Variants in CHID1 observed in about 807,000 individuals in gnomAD.
The protein encoded by CHID1 is chitinase domain-containing protein 1.
A neutral mutation model predicts 55.4 loss-of-function variants in CHID1; 44 were observed. The ratio of observed to expected loss-of-function variants is 0.79; its 90% CI spans 0.62 to 1.02. The LOEUF (loss-of-function observed/expected upper bound fraction) is 1.02, where lower values mean the gene tolerates loss of function less well. Among genes scored for constraint, CHID1 ranks in the 50% least tolerant of loss-of-function variants. The pLI is 0.00. For missense variants in CHID1, 491 were observed against 515.3 expected, an observed-to-expected ratio of 0.95 and a Z score of 0.46; for synonymous variants, 216 against 212.9, an observed-to-expected ratio of 1.01 and a Z score of -0.13.
Position 904,773 on chromosome 11 carries a change from C to A in CHID1, c.44G>T (p.Ser15Ile), listed in dbSNP as rs765584828. 2 of 1,614,094 alleles carry A rather than the reference C, an allele frequency of 1.2e-6. No homozygotes were observed. Among genetic ancestry groups the A allele is most frequent in the Non-Finnish European group, 1.7e-6 (2 of 1,180,032 alleles). ...FNLLWLALACSPVHTTLSKSD... is the reference protein window; with the variant it reads ...FNLLWLALACIPVHTTLSKSD... Reference sequence around the variant, plus strand: ...CTTTGACAGGGTAGTGTGAACAGGGCTGCAGGCCAGGGCAAGCCAGAGGAG... The same window carrying A: ...CTTTGACAGGGTAGTGTGAACAGGGATGCAGGCCAGGGCAAGCCAGAGGAG... Residue 15 changes from serine to isoleucine, a missense_variant, in exon 2 of 13, where the codon AGC (serine) becomes ATC (isoleucine). Physicochemically the swap from Ser to Ile is moderately radical, Grantham distance 142. Coordinates refer to ENST00000323578, the MANE Select transcript of CHID1 (RefSeq NM_023947.4).
intron 10 of CHID1, among the ~76,000 whole-genome samples, chr11:877,055 C>T (rs1262341972): frequency 6.6e-6 from 1 of 152,188 alleles, no homozygotes; most frequent in Non-Finnish European, 1.5e-5. Context: ...GATGAGGGGA[C>T]TTCTCAGCTG....
chr11:888,852 G>A (rs1358277194), intron 8 of CHID1, among the ~76,000 whole-genome samples: 1 of 151,692 alleles, frequency 6.6e-6, no homozygotes, highest in East Asian at 1.9e-4. Flanking sequence ...CTGCCCACTC[G>A]GCCTCGACTG....
At position 902,974 on chromosome 11, in the gene CHID1, G is replaced by T. The variant is rs760646559; in HGVS notation, c.249C>A (p.Gly83=). The part of the protein sequence containing the change: ...RDRHFAGDVL[G]YVTPWNSHGY... The stretch of plus-strand genomic sequence containing the variant: ...GGCCCCAACTTACTGGAGTGACATA[G>T]CCCAGTACATCCCCAGCAAAGTGTC... The change falls in exon 3 of 13, where the codon GGC becomes GGA. Residue 83 remains glycine (G), a synonymous_variant. Coordinates refer to ENST00000323578, the MANE Select transcript of CHID1 (RefSeq NM_023947.4). The T allele has an allele frequency of 2.5e-6, 4 of 1,613,906 alleles. No individual in the cohort carries two copies. The highest frequency in any genetic ancestry group is 2.5e-6 in the Non-Finnish European group (3 of 1,179,942).
intron 8 of CHID1, among the ~76,000 whole-genome samples, chr11:889,549 G>A (rs1412877855): frequency 1.3e-5 from 2 of 152,138 alleles, no homozygotes; most frequent in African/African-American, 4.8e-5. Context: ...CACCCAGCAG[G>A]GGAGAGCCAT....
chr11:870,796 G>A, intron 10 of CHID1: 1 of 355,438 alleles, frequency 2.8e-6, no homozygotes, highest in South Asian at 3.2e-5. Flanking sequence ...TGAGCCTGAG[G>A]GTGACCCTCA....
chr11:886,655 A>G (rs1850419939), intron 8 of CHID1, among the ~76,000 whole-genome samples: 1 of 152,212 alleles, frequency 6.6e-6, no homozygotes, highest in Non-Finnish European at 1.5e-5. Context: ...ATGCGAGGAC[A>G]CAGCAAAAAG....
chr11:893,925 C>A (rs548620500), intron 7 of CHID1, among the ~76,000 whole-genome samples: 1 of 151,652 alleles, frequency 6.6e-6, no homozygotes, highest in African/African-American at 2.4e-5. Context: ...GAGGCCAGAT[C>A]GGCTTGGCCA....
chr11:890,050 CT>C (rs1366309461), intron 8 of CHID1, among the ~76,000 whole-genome samples: 6 of 152,162 alleles, frequency 3.9e-5, no homozygotes, highest in Admixed American at 2.6e-4. Flanking sequence ...CTTGGGTCCC[CT>C]GGCCCCTGTC....
chr11:869,995 G>C, intron 12 of CHID1, 39 bp from the exon 13 acceptor site: 1 of 1,607,362 alleles, frequency 6.2e-7, no homozygotes, highest in Non-Finnish European at 8.5e-7. Context: ...GCTGGGGCCT[G>C]TCCCCCCAAC....
chr11:885,875 G>A (rs538508406), intron 8 of CHID1, among the ~76,000 whole-genome samples: 6 of 152,254 alleles, frequency 3.9e-5, no homozygotes, highest in South Asian at 2.1e-4. Flanking sequence ...AAAATGGGCC[G>A]GGCGCAGTGG....
At chr11:909,410 C>T (rs565506201) in intron 1 of CHID1, among the ~76,000 whole-genome samples, 14 of 152,320 alleles carry the variant, frequency 9.2e-5, no homozygotes, top group African/African-American at 2.9e-4. Context: ...TCCCAGAAAC[C>T]GCTCTGTAAC....
rs549396556 is a variant in CHID1, at chr11:907,575, G to A, written c.-43-2716C>T. 6.4e-4 allele frequency among the ~76,000 whole-genome samples: 97 copies of A among 152,312 alleles called. 3 individuals carry two copies. In the South Asian group the frequency reaches 0.019, roughly 30 times the overall value. The stretch of plus-strand genomic sequence containing the variant: ...ACCACCACCATAGCCCAGCCAGACT[G>A]TTAGTCCTTCATGAAGCTTTGGGAC... On this transcript the variant is annotated intron_variant, in intron 1 of 12. Coordinates refer to ENST00000323578, the MANE Select transcript of CHID1 (RefSeq NM_023947.4).
At position 899,984 on chromosome 11, in the gene CHID1, G is replaced by T; in HGVS notation, c.546+20C>A. The stretch of plus-strand genomic sequence containing the variant: ...CCCGGGGGGCTGTGCTCAGAGGCTG[G>T]AGCAGCACACAGGTCTCACCTTTGC... On this transcript the variant is annotated intron_variant, in intron 6 of 12. Coordinates refer to ENST00000323578, the MANE Select transcript of CHID1 (RefSeq NM_023947.4). 1 of 1,585,208 alleles carries T rather than the reference G, an allele frequency of 6.3e-7. No individual in the cohort carries two copies. The highest frequency in any genetic ancestry group is 8.7e-7 in the Non-Finnish European group (1 of 1,154,154).
intron 7 of CHID1, among the ~76,000 whole-genome samples, chr11:895,196 G>T (rs1342293031): frequency 6.6e-6 from 1 of 152,170 alleles, no homozygotes. Flanking sequence ...CTCCTGCCTG[G>T]TTCCCAGCCT....
chr11:899,153 C>T (rs1249045753), intron 7 of CHID1, among the ~76,000 whole-genome samples, 187 bp downstream of exon 7: 1 of 152,196 alleles, frequency 6.6e-6, no homozygotes, highest in African/African-American at 2.4e-5. Context: ...TGTTCGGAGC[C>T]GGCTGCCTGC....
At chr11:914,904 T>C, upstream of CHID1, 2 of 302,028 alleles carry the variant, frequency 6.6e-6, no homozygotes, top group South Asian at 5.5e-5. Flanking sequence ...AGTGGCAGCC[T>C]CGTGACTCTG....
Position 883,186 on chromosome 11 carries a change from C to G in CHID1, c.921G>C (p.Ala307=), listed in dbSNP as rs768055754. 1.2e-6 allele frequency: 2 copies of G among 1,613,828 alleles called. No individual in the cohort carries two copies. Among genetic ancestry groups the G allele is most frequent in the African/African-American group, 1.3e-5 (1 of 74,942 alleles). ...LGLNFYGMDY[A]TSKDAREPVV... ...CAGGCTCACGGGCATCCTTGGAGGT[C>G]GCGTAGTCCATACCATAGAAGTTGA... The change falls in exon 10 of 13, where the codon GCG becomes GCC. Residue 307 remains alanine (A), a synonymous_variant. Coordinates refer to ENST00000323578, the MANE Select transcript of CHID1 (RefSeq NM_023947.4).
intron 1 of CHID1, among the ~76,000 whole-genome samples, chr11:907,419 C>T (rs968516971): frequency 2.6e-5 from 4 of 151,366 alleles, no homozygotes; most frequent in African/African-American, 7.3e-5. Flanking sequence ...AGGTGGAGTT[C>T]GCAGTGAGCC....
intron 7 of CHID1, among the ~76,000 whole-genome samples, chr11:895,967 C>T (rs894293395): frequency 3.9e-5 from 6 of 152,056 alleles, no homozygotes; most frequent in Admixed American, 6.5e-5. Context: ...TGCTCCCAAC[C>T]GTCCTCCCCT....
Sources: allele counts gnomAD v4.1 joint callset (sites outside exome capture counted in the v4.1 genomes callset), GRCh38; gene constraint gnomAD v4.1.1; transcripts MANE v1.5; gene names NCBI Gene and HGNC (gene_info 2026-07-23, HGNC 2026-07-21).